MDN1: variants seen among roughly 807,000 people sequenced by gnomAD.
MDN1 encodes the protein midasin AAA ATPase 1.
Under a neutral mutation model 669.2 loss-of-function variants are expected in MDN1, and 266 were observed. The ratio of observed to expected loss-of-function variants is 0.40; its 90% CI spans 0.36 to 0.44. The LOEUF (loss-of-function observed/expected upper bound fraction) is 0.44. Among genes scored for constraint, MDN1 ranks in the 20% least tolerant of loss-of-function variants. The pLI is 1.00. For synonymous variants in MDN1, 2,385 were observed against 2,457.1 expected, an observed-to-expected ratio of 0.97 and a Z score of 0.87; for missense variants, 5,940 against 6,754.0, an observed-to-expected ratio of 0.88 and a Z score of 4.22.
In MDN1 at chr6:89,708,836, C is replaced by T. The variant is rs533950844; in HGVS notation, c.7766-208G>A. 9.2e-5 allele frequency among the ~76,000 whole-genome samples: 14 copies of T among 152,112 alleles called. 1 individual carries two copies. In the South Asian group the frequency reaches 2.7e-3, roughly 29 times the overall value. On this transcript the variant is annotated intron_variant, in intron 50 of 101. Coordinates refer to ENST00000369393, the MANE Select transcript of MDN1 (RefSeq NM_014611.3). ...TTTTACACTCTATCTTTACCAAATG[C>T]AAAGTATCTGTATGTCCTGAAAGTT...
chr6:89,746,734 TCTTA>T (rs1479124058), intron 27 of MDN1, among the ~76,000 whole-genome samples: 1 of 152,208 alleles, frequency 6.6e-6, no homozygotes, highest in Non-Finnish European at 1.5e-5. Context: ...TACATACTCT[TCTTA>T]CTTATTAACT....
chr6:89,728,158 TATCA>T (rs1169672509), intron 36 of MDN1, among the ~76,000 whole-genome samples: 1 of 152,060 alleles, frequency 6.6e-6, no homozygotes, highest in Non-Finnish European at 1.5e-5. Flanking sequence ...ATGTTCCATA[TATCA>T]ATCAATTTGA....
Position 89,743,330 on chromosome 6 carries a change from C to A in MDN1, c.4318-50G>T, listed in dbSNP as rs373503272. 1,245 of 1,606,824 alleles carry A rather than the reference C, an allele frequency of 7.7e-4. 15 individuals are homozygous for A. In the South Asian group the frequency reaches 0.013, roughly 16 times the overall value. The stretch of plus-strand genomic sequence containing the variant: ...ATTAAAGGGCAGGTGGCTCCACAGA[C>A]AATATACATGCAGCTGGCTGGTGTT... On this transcript the variant is annotated intron_variant, in intron 30 of 101. Coordinates refer to ENST00000369393, the MANE Select transcript of MDN1 (RefSeq NM_014611.3).
intron 60 of MDN1, 86 bp downstream of exon 60, chr6:89,696,274 C>A: frequency 7.2e-7 from 1 of 1,387,744 alleles, no homozygotes; most frequent in South Asian, 1.2e-5. Flanking sequence ...CTAGCCACTA[C>A]AGAAGGAAGT....
chr6:89,711,469 C>T (rs561969301), intron 49 of MDN1, among the ~76,000 whole-genome samples: 1 of 152,118 alleles, frequency 6.6e-6, no homozygotes, highest in East Asian at 1.9e-4. Context: ...TTAATGCATA[C>T]AGGAGGATGT....
intron 8 of MDN1, 84 bp from the exon 9 acceptor site, chr6:89,785,210 A>G: frequency 1.1e-6 from 1 of 877,018 alleles, no homozygotes; most frequent in Non-Finnish European, 1.9e-6. Flanking sequence ...CTTGCTGTAC[A>G]CTGTCTCACA....
At chr6:89,727,753 T>A in intron 37 of MDN1, 80 bp downstream of exon 37, 1 of 1,605,604 alleles carries the variant, frequency 6.2e-7, no homozygotes, top group South Asian at 1.1e-5. Context: ...GAGAAATGGA[T>A]TGTGAAATGG....
rs1257368118 is a variant in MDN1, at chr6:89,753,496, T to C, written c.3075+16A>G. The C allele has an allele frequency of 6.4e-7, 1 of 1,572,852 alleles. No individual in the cohort carries two copies. Among genetic ancestry groups the C allele is most frequent in the East Asian group, 2.2e-5 (1 of 44,594 alleles). ...CCTTTCAAGTGTAACAAGTCAAAAA[T>C]AACAAAAGAACATACCTGCTTCAGC... On this transcript the variant is annotated intron_variant, in intron 22 of 101. Transcript: ENST00000369393.
rs769625629 is a variant in MDN1, at chr6:89,656,847, C to T, written c.15184-46G>A. The T allele has an allele frequency of 3.3e-6, 5 of 1,507,962 alleles. No homozygotes were observed. In the South Asian group the frequency reaches 5.7e-5, roughly 17 times the overall value. 93.4% of individuals were successfully genotyped at this position (1,507,962 alleles called of 1,614,324 possible). A position where few individuals can be genotyped will look rare whatever the true frequency, so the allele number is the denominator to read the frequency against. On this transcript the variant is annotated intron_variant, in intron 90 of 101. Transcript: ENST00000369393. The stretch of plus-strand genomic sequence containing the variant: ...AAGAATGAGGTGAAAGAAGCTATTA[C>T]AAGTCCCTGGTTACTGTGCTGCATT...
In MDN1 at chr6:89,758,694, A is replaced by T. The variant is rs560833575; in HGVS notation, c.2605+122T>A. The T allele has an allele frequency of 2.4e-5, 26 of 1,068,636 alleles. No individual in the cohort carries two copies. The African/African-American group carries it at 3.3e-4, about 14-fold the overall frequency. 66.2% of individuals were successfully genotyped at this position (1,068,636 alleles called of 1,614,324 possible). A position where few individuals can be genotyped will look rare whatever the true frequency, so the allele number is the denominator to read the frequency against. On this transcript the variant is annotated intron_variant, in intron 18 of 101. Transcript: ENST00000369393. ...CACTTTGCAGAAAATTAATATCTAA[A>T]GAATGAACAAATTCCATTGGGAGGC...
intron 21 of MDN1, 75 bp from the exon 22 acceptor site, chr6:89,753,697 A>G (rs1817079031): frequency 1.6e-6 from 2 of 1,213,892 alleles, no homozygotes; most frequent in South Asian, 2.5e-5. Flanking sequence ...CCAGAACAAA[A>G]TTTAACCTCT....
chr6:89,758,718 G>A, intron 18 of MDN1, 98 bp downstream of exon 18: 2 of 1,276,950 alleles, frequency 1.6e-6, no homozygotes, highest in South Asian at 1.4e-5. Context: ...CCATTGGGAG[G>A]CCCATGTCAT....
rs1358769303 is a variant in MDN1, at chr6:89,683,830, C to T, written c.11903+1G>A. ...GTCTCCAGTTTTAAAAGATGGATTA[C>T]CTGTGTGTCTTTTCTACAGATTGCT... On this transcript the variant is annotated splice_donor_variant, in intron 72 of 101. Coordinates refer to ENST00000369393, the MANE Select transcript of MDN1 (RefSeq NM_014611.3). LOFTEE classifies it high-confidence loss of function. The T allele has an allele frequency of 6.2e-7, 1 of 1,611,400 alleles. No homozygotes were observed. Among genetic ancestry groups the T allele is most frequent in the Non-Finnish European group, 8.5e-7 (1 of 1,178,034 alleles).
chr6:89,648,579 C>A (rs1284888322), intron 97 of MDN1, among the ~76,000 whole-genome samples: 1 of 151,942 alleles, frequency 6.6e-6, no homozygotes, highest in East Asian at 1.9e-4. Context: ...TAAAAAGTGA[C>A]CTTGAGGGCC....
Position 89,683,305 on chromosome 6 carries a change from A to AT in MDN1, c.11928dup (p.Phe3977IlefsTer2), listed in dbSNP as rs745738893. 4 of 1,614,156 alleles carry AT rather than the reference A, an allele frequency of 2.5e-6. No homozygotes were observed. The highest frequency in any genetic ancestry group is 3.4e-6 in the Non-Finnish European group (4 of 1,180,022). ...CAGGGTTCACTCAGGACTGCTTCAA[A>AT]TTTCTTCATGAATTTAAAGAGTGTC... On this transcript the variant is annotated frameshift_variant, in exon 73 of 102. Transcript: ENST00000369393. LOFTEE classifies it high-confidence loss of function.
At chr6:89,698,339 G>C (rs1812911483) in intron 59 of MDN1, among the ~76,000 whole-genome samples, 1 of 152,180 alleles carries the variant, frequency 6.6e-6, no homozygotes. Context: ...GCTTATTATA[G>C]GAAGAGGGAG....
intron 15 of MDN1, among the ~76,000 whole-genome samples, chr6:89,765,859 A>C (rs1817779907): frequency 6.6e-6 from 1 of 152,260 alleles, no homozygotes; most frequent in Non-Finnish European, 1.5e-5. Context: ...AAAAGGACTC[A>C]AAACAGTGCC....
chr6:89,780,399 ACTTTCTT>A, intron 10 of MDN1, 106 bp from the exon 11 acceptor site: 2 of 542,344 alleles, frequency 3.7e-6, no homozygotes, highest in Non-Finnish European at 6.2e-6. Flanking sequence ...ATACCTGATA[ACTTTCTT>A]CTTTCTTCTG....
At chr6:89,722,185 T>C (rs1472246868) in intron 40 of MDN1, among the ~76,000 whole-genome samples, 1 of 152,254 alleles carries the variant, frequency 6.6e-6, no homozygotes, top group East Asian at 1.9e-4. Context: ...GTGGGAATTC[T>C]AGTTTTACAA....
Sources: allele counts gnomAD v4.1 joint callset (sites outside exome capture counted in the v4.1 genomes callset), GRCh38; gene constraint gnomAD v4.1.1; transcripts MANE v1.5; gene names NCBI Gene and HGNC (gene_info 2026-07-23, HGNC 2026-07-21).